PLAG1: variants seen among roughly 807,000 people sequenced by gnomAD.
The protein encoded by PLAG1 is zinc finger protein PLAG1.
A neutral mutation model predicts 35.5 loss-of-function variants in PLAG1; 7 were observed. The ratio of observed to expected loss-of-function variants is 0.20; its 90% CI spans 0.11 to 0.37. The LOEUF (loss-of-function observed/expected upper bound fraction) is 0.37, where lower values mean the gene tolerates loss of function less well. PLAG1 is among the 10% of genes least tolerant of loss of function. The probability of loss-of-function intolerance (pLI) is 1.00; values close to 1 mark genes in which losing one functional copy is unlikely to be tolerated. For synonymous variants in PLAG1, 229 were observed against 225.4 expected (o/e 1.02, Z -0.14); for missense variants, 454 against 602.8 (o/e 0.75, Z 2.58).
At chr8:56,181,010 C>T (rs1309015753) in intron 1 of PLAG1, among the ~76,000 whole-genome samples, 2 of 152,146 alleles carry the variant, frequency 1.3e-5, no homozygotes, top group Non-Finnish European at 2.9e-5. Flanking sequence ...ATCAAAACTA[C>T]AATAAGATAC....
chr8:56,196,332 C>T (rs138102360), intron 1 of PLAG1, among the ~76,000 whole-genome samples: 3 of 152,300 alleles, frequency 2.0e-5, no homozygotes, highest in African/African-American at 7.2e-5. Flanking sequence ...GGGTTCTTCA[C>T]TCTACTGTTG....
At chr8:56,186,740 G>A (rs1222526913) in intron 1 of PLAG1, among the ~76,000 whole-genome samples, 6 of 150,620 alleles carry the variant, frequency 4.0e-5, no homozygotes, top group Non-Finnish European at 5.9e-5. Context: ...TTTTGAGACC[G>A]AGTTTCGCTC....
intron 1 of PLAG1, among the ~76,000 whole-genome samples, chr8:56,196,548 G>A (rs1812372475): frequency 1.3e-5 from 2 of 152,078 alleles, no homozygotes; most frequent in South Asian, 2.1e-4. Flanking sequence ...CTGGCTCTAT[G>A]GGCACACCCA....
chr8:56,190,315 CAG>C (rs1449242325), intron 1 of PLAG1, among the ~76,000 whole-genome samples: 9 of 152,036 alleles, frequency 5.9e-5, no homozygotes, highest in African/African-American at 2.2e-4. Flanking sequence ...GGAGAATGGA[CAG>C]AGTGGGGAAG....
At chr8:56,178,853 C>T (rs1180423855) in intron 2 of PLAG1, among the ~76,000 whole-genome samples, 3 of 151,932 alleles carry the variant, frequency 2.0e-5, no homozygotes, top group Admixed American at 2.0e-4. Flanking sequence ...CACTGAGCTG[C>T]GCCTACAGGC....
At chr8:56,210,277 C>G (rs768600130) in intron 1 of PLAG1, among the ~76,000 whole-genome samples, 1 of 152,012 alleles carries the variant, frequency 6.6e-6, no homozygotes, top group Non-Finnish European at 1.5e-5. Flanking sequence ...GGATTTTTTG[C>G]GATTTTTTAA....
rs571511725 is a variant in PLAG1, at chr8:56,165,125, A to T, written c.*1118T>A. 1.2e-4 allele frequency: 26 copies of T among 209,524 alleles called. No homozygotes were observed. The Admixed American group carries it at 1.5e-3, about 12-fold the overall frequency. 13.0% of individuals were successfully genotyped at this position (209,524 alleles called of 1,614,324 possible). ...AACATATCAAATTCAGCAAGAAATGATATAAGCGATATGCTTTTACTTTAC... is the reference window on the plus strand; with the variant it reads ...AACATATCAAATTCAGCAAGAAATGTTATAAGCGATATGCTTTTACTTTAC... On this transcript the variant is annotated 3_prime_UTR_variant, in exon 5 of 5. Coordinates refer to ENST00000316981, the MANE Select transcript of PLAG1 (RefSeq NM_002655.3).
chr8:56,196,779 C>A (rs1027989496), intron 1 of PLAG1, among the ~76,000 whole-genome samples: 1 of 152,022 alleles, frequency 6.6e-6, no homozygotes, highest in African/African-American at 2.4e-5. Flanking sequence ...TCCTGCCGTG[C>A]ATAATACATG....
intron 1 of PLAG1, among the ~76,000 whole-genome samples, chr8:56,204,754 G>T (rs1176376833): frequency 6.6e-6 from 1 of 151,788 alleles, no homozygotes; most frequent in East Asian, 1.9e-4. Flanking sequence ...ATATTGGTCT[G>T]CAATAATAAT....
At chr8:56,205,065 T>C (rs989216232) in intron 1 of PLAG1, among the ~76,000 whole-genome samples, 1 of 151,964 alleles carries the variant, frequency 6.6e-6, no homozygotes, top group Non-Finnish European at 1.5e-5. Context: ...AGGAGCTTTG[T>C]TGGTGAAATG....
At chr8:56,190,302 T>C (rs111259808) in intron 1 of PLAG1, among the ~76,000 whole-genome samples, 4,213 of 152,080 alleles carry the variant, frequency 0.028, 78 homozygotes, top group African/African-American at 0.055. Flanking sequence ...GGAGGGACTA[T>C]CTGGAGAATG....
At chr8:56,199,728 A>AT (rs564238092) in intron 1 of PLAG1, among the ~76,000 whole-genome samples, 3 of 148,646 alleles carry the variant, frequency 2.0e-5, no homozygotes, top group African/African-American at 2.5e-5. Context: ...CGTCTCCACC[A>AT]CCCCCCCCGA....
chr8:56,174,393 C>T (rs966962925), intron 2 of PLAG1, among the ~76,000 whole-genome samples: 27 of 152,120 alleles, frequency 1.8e-4, no homozygotes, highest in African/African-American at 5.1e-4. Flanking sequence ...GAAATAACTT[C>T]GGTGTTTCTG....
At position 56,210,223 on chromosome 8, in the gene PLAG1, C is replaced by T. The variant is rs540107510; in HGVS notation, c.-322+898G>A. On this transcript the variant is annotated intron_variant, in intron 1 of 4. Transcript: ENST00000316981. ...GACTTCAGGGGAAAGGCGGTACATACTTTTACCTTTAGCGAGAAAAGGGGG... is the reference window on the plus strand; with the variant it reads ...GACTTCAGGGGAAAGGCGGTACATATTTTTACCTTTAGCGAGAAAAGGGGG... 9.2e-5 allele frequency among the ~76,000 whole-genome samples: 14 copies of T among 152,314 alleles called. No homozygotes were observed. The East Asian group carries it at 2.7e-3, about 29-fold the overall frequency.
At chr8:56,207,416 A>T (rs1021598357) in intron 1 of PLAG1, among the ~76,000 whole-genome samples, 14 of 152,042 alleles carry the variant, frequency 9.2e-5, no homozygotes, top group African/African-American at 3.4e-4. Context: ...TGTGCATGTT[A>T]TTAAAACACA....
chr8:56,206,851 A>G (rs559501319), intron 1 of PLAG1, among the ~76,000 whole-genome samples: 32 of 152,134 alleles, frequency 2.1e-4, no homozygotes, highest in African/African-American at 7.5e-4. Flanking sequence ...GGGATGATTT[A>G]TAGCCCTTTT....
At chr8:56,194,695 T>C (rs1262556329) in intron 1 of PLAG1, among the ~76,000 whole-genome samples, 1 of 152,096 alleles carries the variant, frequency 6.6e-6, no homozygotes, top group Non-Finnish European at 1.5e-5. Context: ...GAGGCCATCA[T>C]GAAACCTTTG....
At chr8:56,170,973 A>G (rs1390671576) in intron 3 of PLAG1, 118 bp downstream of exon 3, 1 of 159,164 alleles carries the variant, frequency 6.3e-6, no homozygotes, top group African/African-American at 2.4e-5. Context: ...ATTTCAAACT[A>G]TAGGATAAGG....
chr8:56,165,604 T>C lies in PLAG1; in HGVS notation c.*639A>G, dbSNP rs1407704352. The C allele has an allele frequency of 4.9e-6, 1 of 202,948 alleles. No individual in the cohort carries two copies. The highest frequency in any genetic ancestry group is 2.3e-5 in the African/African-American group (1 of 43,688). The allele number at this position is 202,948 out of a possible 1,614,324, so 12.6% of individuals were successfully genotyped here. Reference sequence around the variant, plus strand: ...CAGAGTCTCTTTTTGCTATAAATACTGATGCTTTGTGTTTAGGGTTTGTTT... The same window carrying C: ...CAGAGTCTCTTTTTGCTATAAATACCGATGCTTTGTGTTTAGGGTTTGTTT... On this transcript the variant is annotated 3_prime_UTR_variant, in exon 5 of 5. Transcript: ENST00000316981.
Sources: allele counts gnomAD v4.1 joint callset (sites outside exome capture counted in the v4.1 genomes callset), GRCh38; gene constraint gnomAD v4.1.1; transcripts MANE v1.5; gene names NCBI Gene and HGNC (gene_info 2026-07-23, HGNC 2026-07-21).